GLIS3: variants seen among roughly 807,000 people sequenced by gnomAD.
The protein encoded by GLIS3 is GLIS family zinc finger 3.
In GLIS3, 53 loss-of-function variants were observed where a neutral mutation model predicts 78.6. That is an observed-to-expected ratio of 0.67 (90% CI 0.54 to 0.85). The LOEUF (loss-of-function observed/expected upper bound fraction) is 0.85, where lower values mean the gene tolerates loss of function less well. Among genes scored for constraint, GLIS3 ranks in the 40% least tolerant of loss-of-function variants. The pLI, the probability that GLIS3 is intolerant of heterozygous loss-of-function variation, is 0.00. For synonymous variants in GLIS3, 684 were observed against 509.9 expected (o/e 1.34, Z -4.60); for missense variants, 1,703 against 1,231.1 (o/e 1.38, Z -5.74).
At chr9:4,005,849 T>A (rs1489258846) in intron 4 of GLIS3, among the ~76,000 whole-genome samples, 2 of 152,186 alleles carry the variant, frequency 1.3e-5, no homozygotes, top group Non-Finnish European at 2.9e-5. Flanking sequence ...GAAAAAACAT[T>A]TGTTAGGCAA....
chr9:4,231,855 T>C (rs1266064827), intron 2 of GLIS3, among the ~76,000 whole-genome samples: 1 of 152,184 alleles, frequency 6.6e-6, no homozygotes, highest in African/African-American at 2.4e-5. Context: ...GTACTTCAAA[T>C]GAACTTAATG....
chr9:3,908,492 A>G lies in GLIS3; in HGVS notation c.1984-9657T>C, dbSNP rs1035049260. On this transcript the variant is annotated intron_variant, in intron 6 of 10. Coordinates refer to ENST00000381971, the MANE Select transcript of GLIS3 (RefSeq NM_001042413.2). ...TAGGGCTTAATTTCCCAACCTATCC[A>G]GTTGCAAGTAAACAAGTTGGCTCCT... is the stretch of plus-strand genomic sequence containing the variant. Among the ~76,000 whole-genome samples, 3 of 152,280 alleles carry G rather than the reference A, an allele frequency of 2.0e-5. No individual in the cohort carries two copies. In the East Asian group the frequency reaches 5.8e-4, roughly 29 times the overall value.
chr9:4,221,718 G>T (rs1014662473), intron 2 of GLIS3, among the ~76,000 whole-genome samples: 2 of 152,148 alleles, frequency 1.3e-5, no homozygotes, highest in Non-Finnish European at 2.9e-5. Flanking sequence ...ATAACATATG[G>T]AAACACATTA....
intron 2 of GLIS3, among the ~76,000 whole-genome samples, chr9:4,186,529 G>A (rs1473074522): frequency 2.0e-5 from 3 of 151,656 alleles, no homozygotes; most frequent in Non-Finnish European, 2.9e-5. Context: ...TGGGATGGCT[G>A]GGTCAAATGG....
chr9:4,237,328 C>A (rs1822857545), intron 2 of GLIS3, among the ~76,000 whole-genome samples: 1 of 151,942 alleles, frequency 6.6e-6, no homozygotes, highest in Non-Finnish European at 1.5e-5. Context: ...GATGACACAA[C>A]ATGAAGAATG....
chr9:3,886,432 C>T (rs987372665), intron 7 of GLIS3, among the ~76,000 whole-genome samples: 13 of 152,198 alleles, frequency 8.5e-5, no homozygotes, highest in African/African-American at 2.9e-4. Flanking sequence ...CATTTTCATG[C>T]ATGACTGCAC....
In GLIS3 at chr9:3,860,307, C is replaced by T. The variant is rs889058095; in HGVS notation, c.2298-4123G>A. On this transcript the variant is annotated intron_variant, in intron 8 of 10. Coordinates refer to ENST00000381971, the MANE Select transcript of GLIS3 (RefSeq NM_001042413.2). The stretch of plus-strand genomic sequence containing the variant: ...AAAAAAAAAAAAAAAAAAAAAACCT[C>T]TGGGGGATGAGGAAACATTTAAAAC... 2.3e-4 allele frequency among the ~76,000 whole-genome samples: 27 copies of T among 117,372 alleles called. No individual in the cohort carries two copies. In the East Asian group the frequency reaches 5.7e-3, roughly 25 times the overall value. 77.0% of individuals were successfully genotyped at this position (117,372 alleles called of 152,430 possible).
At chr9:4,302,037 A>C (rs796172096), upstream of GLIS3, among the ~76,000 whole-genome samples, 4 of 147,330 alleles carry the variant, frequency 2.7e-5, no homozygotes, top group African/African-American at 1.0e-4. Flanking sequence ...CAATGTTCTT[A>C]TATTCCATGG....
In GLIS3 at chr9:3,953,760, GCTCTCTCTCTCTCT is replaced by G. The variant is rs71507912; in HGVS notation, c.1711-16585_1711-16572del. 1.7e-4 allele frequency among the ~76,000 whole-genome samples: 18 copies of G among 103,410 alleles called. 1 individual carries two copies. The South Asian group carries it at 3.9e-3, about 22-fold the overall frequency. 67.8% of individuals were successfully genotyped at this position (103,410 alleles called of 152,430 possible). On this transcript the variant is annotated intron_variant, in intron 4 of 10. Coordinates refer to ENST00000381971, the MANE Select transcript of GLIS3 (RefSeq NM_001042413.2). ...AATATTGCCAATGATAATTAGATTT[GCTCTCTCTCTCTCT>G]CTCTCTCTCTCTCTCTCTCTCTATA... is the stretch of plus-strand genomic sequence containing the variant.
the GLIS3 span, among the ~76,000 whole-genome samples, chr9:4,365,143 T>G: frequency 6.6e-6 from 1 of 152,198 alleles, no homozygotes; most frequent in Non-Finnish European, 1.5e-5. Flanking sequence ...TACTTCCAGT[T>G]TCCACAGACA....
At chr9:3,999,677 C>T (rs992650596) in intron 4 of GLIS3, among the ~76,000 whole-genome samples, 1 of 152,080 alleles carries the variant, frequency 6.6e-6, no homozygotes, top group Non-Finnish European at 1.5e-5. Context: ...CTATTGTAAA[C>T]ATGTTAATGA....
chr9:4,229,567 G>A (rs1822077553), intron 2 of GLIS3, among the ~76,000 whole-genome samples: 1 of 152,156 alleles, frequency 6.6e-6, no homozygotes. Context: ...ATTTAAAAGT[G>A]CCCTGAAGCA....
rs1383332901 is a variant in GLIS3 at position 4,125,823 on chromosome 9, G to A, written c.507C>T (p.Ser169=). 1 of 1,614,096 alleles carries A rather than the reference G, an allele frequency of 6.2e-7. No homozygotes were observed. The highest frequency in any genetic ancestry group is 2.2e-5 in the East Asian group (1 of 44,882). The change falls in exon 3 of 11, where the codon AGC becomes AGT. Residue 169 remains serine, a synonymous_variant. Coordinates refer to ENST00000381971, the MANE Select transcript of GLIS3 (RefSeq NM_001042413.2). ...TCTGGTTGCATGCTGTAGAGACCTG[G>A]CTTGCTGGAGGTGAAATGAGTCCCA... The part of the protein sequence containing the change: ...QRLGLISPPA[S]QVSTACNQIS...
At chr9:3,878,734 C>T (rs1588139758) in intron 8 of GLIS3, 2 of 153,436 alleles carry the variant, frequency 1.3e-5, no homozygotes, top group Admixed American at 1.3e-4. Context: ...CCTTCCAAAG[C>T]TACCTGTACT....
chr9:4,304,147 C>T (rs188663662), upstream of GLIS3, among the ~76,000 whole-genome samples: 1 of 152,200 alleles, frequency 6.6e-6, no homozygotes, highest in African/African-American at 2.4e-5. Flanking sequence ...AATGACACAA[C>T]TCATTGTTAT....
intron 4 of GLIS3, among the ~76,000 whole-genome samples, chr9:4,031,194 C>T (rs1056055594): frequency 6.6e-6 from 1 of 152,122 alleles, no homozygotes; most frequent in Non-Finnish European, 1.5e-5. Context: ...TACGTCACAG[C>T]AGTACTATTT....
the GLIS3 span, among the ~76,000 whole-genome samples, chr9:4,366,130 G>A: frequency 6.6e-6 from 1 of 152,190 alleles, no homozygotes; most frequent in Non-Finnish European, 1.5e-5. Flanking sequence ...AGATAGGACA[G>A]AGGATATAAA....
At chr9:4,061,558 A>T (rs1219996888) in intron 4 of GLIS3, among the ~76,000 whole-genome samples, 1 of 152,178 alleles carries the variant, frequency 6.6e-6, no homozygotes, top group East Asian at 1.9e-4. Flanking sequence ...ACCTCATATA[A>T]ATAGCCATAA....
At chr9:3,951,416 C>T (rs1162300140) in intron 4 of GLIS3, among the ~76,000 whole-genome samples, 1 of 150,958 alleles carries the variant, frequency 6.6e-6, no homozygotes, top group Non-Finnish European at 1.5e-5. Context: ...AAAAGCAAGG[C>T]ATCCATGAGC....
Sources: gnomAD v4.1 joint callset for allele counts (sites outside exome capture counted in the v4.1 genomes callset) on GRCh38, gnomAD v4.1.1 for gene constraint, MANE v1.5 for transcripts, NCBI Gene and HGNC (gene_info 2026-07-23, HGNC 2026-07-21) for gene names.